Variants in FSHR observed in about 807,000 individuals in gnomAD.
FSHR encodes the protein follicle-stimulating hormone receptor.
FSHR carries 46 observed loss-of-function variants against 52.1 expected under a neutral mutation model. The observed-to-expected ratio is 0.88, with a 90% CI of 0.70 to 1.13. FSHR has a LOEUF of 1.13. Ranked by LOEUF, FSHR falls within the 50% of genes most tolerant of loss-of-function variation. The pLI, the probability that FSHR is intolerant of heterozygous loss-of-function variation, is 0.00. For synonymous variants in FSHR, 399 were observed against 309.6 expected (o/e 1.29, Z -3.03); for missense variants, 964 against 834.6 (o/e 1.16, Z -1.91).
chr2:48,972,582 C>A (rs1318167320), intron 8 of FSHR, among the ~76,000 whole-genome samples: 2 of 152,180 alleles, frequency 1.3e-5, no homozygotes, highest in African/African-American at 4.8e-5. Context: ...GTTAGTGACA[C>A]TTGCCCTGTT....
chr2:49,104,446 C>A (rs1671153163), intron 1 of FSHR, among the ~76,000 whole-genome samples: 1 of 152,128 alleles, frequency 6.6e-6, no homozygotes, highest in Non-Finnish European at 1.5e-5. Flanking sequence ...TTCGGAGAGC[C>A]ATTCTGTTTC....
At chr2:49,100,140 T>C (rs1670974304) in intron 1 of FSHR, among the ~76,000 whole-genome samples, 1 of 152,134 alleles carries the variant, frequency 6.6e-6, no homozygotes, top group South Asian at 2.1e-4. Context: ...CATTCCAAGT[T>C]TCTAGATGAG....
At chr2:49,081,271 G>A (rs1670159920) in intron 1 of FSHR, among the ~76,000 whole-genome samples, 2 of 151,916 alleles carry the variant, frequency 1.3e-5, no homozygotes, top group South Asian at 4.2e-4. Flanking sequence ...AAAAAATTCT[G>A]GAGATGATCA....
chr2:49,077,552 GTTAC>G (rs925314179), intron 1 of FSHR, among the ~76,000 whole-genome samples: 2 of 152,182 alleles, frequency 1.3e-5, no homozygotes, highest in African/African-American at 4.8e-5. Flanking sequence ...TCAGCTGCTT[GTTAC>G]TTACGCAAAT....
chr2:49,085,657 A>T (rs1206956916), intron 1 of FSHR, among the ~76,000 whole-genome samples: 1 of 152,170 alleles, frequency 6.6e-6, no homozygotes, highest in Non-Finnish European at 1.5e-5. Flanking sequence ...ATAAAGACAC[A>T]TGCACACGTA....
At chr2:49,005,175 A>T (rs1667035856) in intron 4 of FSHR, among the ~76,000 whole-genome samples, 1 of 152,144 alleles carries the variant, frequency 6.6e-6, no homozygotes, top group Admixed American at 6.6e-5. Flanking sequence ...GAGAACGCAT[A>T]CTGAACAGGT....
chr2:49,149,486 T>G (rs1415536222), intron 1 of FSHR, among the ~76,000 whole-genome samples: 2 of 152,100 alleles, frequency 1.3e-5, no homozygotes, highest in Non-Finnish European at 2.9e-5. Context: ...TGGGGTTGGA[T>G]AGACCAGCCT....
intron 2 of FSHR, among the ~76,000 whole-genome samples, chr2:49,060,485 C>T (rs1002877095): frequency 3.9e-5 from 6 of 152,162 alleles, no homozygotes; most frequent in Admixed American, 2.6e-4. Context: ...TGGTCACACA[C>T]CCCAGTACCT....
At chr2:49,096,249 C>T (rs36073578) in intron 1 of FSHR, among the ~76,000 whole-genome samples, 37,538 of 151,962 alleles carry the variant, frequency 0.25, 5,211 homozygotes, top group East Asian at 0.47. Flanking sequence ...TAATGTAGTA[C>T]GGTCATACAA....
At position 49,028,895 on chromosome 2, in the gene FSHR, G is replaced by C. The variant is rs538748357; in HGVS notation, c.225-8735C>G. 3.9e-5 allele frequency among the ~76,000 whole-genome samples: 6 copies of C among 152,296 alleles called. No individual in the cohort carries two copies. The South Asian group carries it at 1.2e-3, about 32-fold the overall frequency. On this transcript the variant is annotated intron_variant, in intron 2 of 9. Transcript: ENST00000406846. ...GATGAGAAAGAAAGAAACTTGTTCT[G>C]AAAGTCCCTGATATTTTGGAGTTTG...
chr2:48,973,483 T>C (rs924388537), intron 8 of FSHR, among the ~76,000 whole-genome samples: 1 of 152,364 alleles, frequency 6.6e-6, no homozygotes, highest in East Asian at 1.9e-4. Context: ...TAAATTTTAA[T>C]GAGGCAATAG....
intron 4 of FSHR, among the ~76,000 whole-genome samples, chr2:49,007,027 T>C (rs1040971313): frequency 1.3e-5 from 2 of 152,078 alleles, no homozygotes; most frequent in Admixed American, 6.6e-5. Flanking sequence ...ACCTCAGTAA[T>C]TGATTGTTGA....
intron 2 of FSHR, among the ~76,000 whole-genome samples, chr2:49,044,969 C>G (rs902069365): frequency 1.3e-5 from 2 of 152,086 alleles, no homozygotes; most frequent in Non-Finnish European, 2.9e-5. Context: ...TTCTAGAGCA[C>G]CAAGAGAGGG....
At chr2:49,026,163 C>T (rs1465953920) in intron 2 of FSHR, among the ~76,000 whole-genome samples, 1 of 152,180 alleles carries the variant, frequency 6.6e-6, no homozygotes, top group African/African-American at 2.4e-5. Flanking sequence ...GATAAAAGTA[C>T]CTTCAGTGGC....
At chr2:49,074,457 CACA>C (rs1038516040) in intron 1 of FSHR, among the ~76,000 whole-genome samples, 12 of 151,970 alleles carry the variant, frequency 7.9e-5, no homozygotes, top group Non-Finnish European at 1.5e-4. Flanking sequence ...AAATTAAAAC[CACA>C]ACAAGATATT....
chr2:48,962,357 A>T lies in FSHR; in HGVS notation c.*376T>A, dbSNP rs1674261131. 8.0e-6 allele frequency: 2 copies of T among 251,022 alleles called. No homozygotes were observed. Among genetic ancestry groups the T allele is most frequent in the South Asian group, 9.9e-5 (2 of 20,304 alleles). 15.5% of individuals were successfully genotyped at this position (251,022 alleles called of 1,614,324 possible). A position where few individuals can be genotyped will look rare whatever the true frequency, so the allele number is the denominator to read the frequency against. Reference sequence around the variant, plus strand: ...TCTTACAAACTAAACAATTTTGAACAAGTCACTTAACTCTTTGAGTCGTGG... The same window carrying T: ...TCTTACAAACTAAACAATTTTGAACTAGTCACTTAACTCTTTGAGTCGTGG... On this transcript the variant is annotated 3_prime_UTR_variant, in exon 10 of 10. Coordinates refer to ENST00000406846, the MANE Select transcript of FSHR (RefSeq NM_000145.4).
intron 1 of FSHR, among the ~76,000 whole-genome samples, chr2:49,107,970 A>G (rs992238235): frequency 6.6e-6 from 1 of 152,150 alleles, no homozygotes; most frequent in Non-Finnish European, 1.5e-5. Flanking sequence ...CAACCAAGAG[A>G]TGCCCAGTGC....
At chr2:49,055,355 A>G (rs1572686358) in intron 2 of FSHR, among the ~76,000 whole-genome samples, 1 of 151,584 alleles carries the variant, frequency 6.6e-6, no homozygotes, top group South Asian at 2.1e-4. Context: ...ATAATAAAAA[A>G]TAATGAAGAA....
At chr2:49,088,374 A>T (rs1286176746) in intron 1 of FSHR, among the ~76,000 whole-genome samples, 2 of 152,218 alleles carry the variant, frequency 1.3e-5, no homozygotes, top group Admixed American at 6.5e-5. Flanking sequence ...AAACACAAAG[A>T]TGCCCCAAGA....
Sources: gnomAD v4.1 joint callset for allele counts (sites outside exome capture counted in the v4.1 genomes callset) on GRCh38, gnomAD v4.1.1 for gene constraint, MANE v1.5 for transcripts, NCBI Gene and HGNC (gene_info 2026-07-23, HGNC 2026-07-21) for gene names.